Variants in ADAM23 observed in about 807,000 individuals in gnomAD.
ADAM23 encodes the protein ADAM metallopeptidase domain 23, also known as disintegrin and metalloproteinase domain-containing protein 23.
A neutral mutation model predicts 120.1 loss-of-function variants in ADAM23; 33 were observed. The observed-to-expected ratio is 0.27, with a 90% CI of 0.21 to 0.37. The LOEUF (loss-of-function observed/expected upper bound fraction) is 0.37. Among genes scored for constraint, ADAM23 ranks in the 10% least tolerant of loss-of-function variants. The pLI is 1.00. For synonymous variants in ADAM23, 367 were observed against 375.2 expected, an observed-to-expected ratio of 0.98 and a Z score of 0.25; for missense variants, 862 against 1,058.2, an observed-to-expected ratio of 0.81 and a Z score of 2.57.
intron 25 of ADAM23, among the ~76,000 whole-genome samples, chr2:206,616,803 G>C (rs992479464): frequency 2.0e-5 from 3 of 152,044 alleles, no homozygotes; most frequent in Admixed American, 6.6e-5. Context: ...CCAGACCATG[G>C]GGAGGTTGCA....
At chr2:206,571,120 A>G (rs1055815030) in intron 16 of ADAM23, among the ~76,000 whole-genome samples, 2 of 152,170 alleles carry the variant, frequency 1.3e-5, no homozygotes, top group East Asian at 3.9e-4. Flanking sequence ...TTTTATCTTT[A>G]TAAAATAGAT....
At chr2:206,444,129 C>T (rs1335765938) in intron 1 of ADAM23, 49 bp downstream of exon 1, 2 of 1,232,582 alleles carry the variant, frequency 1.6e-6, no homozygotes, top group African/African-American at 3.1e-5. Context: ...CGGGGCCCTG[C>T]AGAGGAAAGC....
chr2:206,528,172 G>A (rs2105795787), intron 3 of ADAM23, among the ~76,000 whole-genome samples: 1 of 152,300 alleles, frequency 6.6e-6, no homozygotes. Context: ...CAGTTGGAAT[G>A]TAGTTAGGGA....
intron 3 of ADAM23, among the ~76,000 whole-genome samples, chr2:206,523,221 C>T (rs1696879476): frequency 6.6e-6 from 1 of 152,140 alleles, no homozygotes; most frequent in Non-Finnish European, 1.5e-5. Context: ...GGGACCATTA[C>T]CTGAGATGCA....
intron 4 of ADAM23, 118 bp from the exon 5 acceptor site, chr2:206,541,934 G>T (rs1697297426): frequency 2.0e-6 from 2 of 1,014,006 alleles, no homozygotes; most frequent in Non-Finnish European, 3.0e-6. Flanking sequence ...AGTTTCTAGG[G>T]TTATTAATAC....
At position 206,596,033 on chromosome 2, in the gene ADAM23, G is replaced by A; in HGVS notation, c.2248-18G>A. On this transcript the variant is annotated intron_variant, in intron 23 of 25. Transcript: ENST00000264377. ...AAAATACAGTGAAAATGCCATATCT[G>A]TTCCTTTTTCTTCACAGGTGTGTAG... 1.3e-6 allele frequency: 2 copies of A among 1,587,694 alleles called. No homozygotes were observed. The highest frequency in any genetic ancestry group is 1.7e-4 in the Middle Eastern group (1 of 6,018).
chr2:206,530,996 A>T, intron 4 of ADAM23, 48 bp downstream of exon 4: 1 of 1,528,388 alleles, frequency 6.5e-7, no homozygotes, highest in Non-Finnish European at 9.0e-7. Context: ...TGTGCTTATC[A>T]TAGAGTTGAT....
chr2:206,459,298 T>C (rs1695364536), intron 2 of ADAM23, among the ~76,000 whole-genome samples: 1 of 152,244 alleles, frequency 6.6e-6, no homozygotes, highest in Non-Finnish European at 1.5e-5. Context: ...TAAACAGTTT[T>C]TGGAAATGGT....
chr2:206,542,333 A>G (rs1345110253), intron 5 of ADAM23, among the ~76,000 whole-genome samples, 199 bp downstream of exon 5: 1 of 152,216 alleles, frequency 6.6e-6, no homozygotes, highest in Non-Finnish European at 1.5e-5. Flanking sequence ...AAATGATTAC[A>G]TAGATGAATG....
intron 10 of ADAM23, among the ~76,000 whole-genome samples, chr2:206,558,618 T>A (rs1021073033): frequency 6.6e-6 from 1 of 152,222 alleles, no homozygotes; most frequent in Non-Finnish European, 1.5e-5. Flanking sequence ...GTTTATCTTC[T>A]CAGAGGAAAA....
At chr2:206,466,162 C>G (rs538058945) in intron 2 of ADAM23, among the ~76,000 whole-genome samples, 1 of 152,034 alleles carries the variant, frequency 6.6e-6, no homozygotes. Context: ...AGTGAACTTT[C>G]GGAAAATCAA....
intron 18 of ADAM23, 24 bp from the exon 19 acceptor site, chr2:206,587,301 A>C: frequency 6.3e-7 from 1 of 1,576,970 alleles, no homozygotes; most frequent in Non-Finnish European, 8.7e-7. Flanking sequence ...GCTGAATATT[A>C]ACTAAAAAGA....
intron 25 of ADAM23, among the ~76,000 whole-genome samples, chr2:206,610,341 G>A (rs942899802): frequency 2.6e-5 from 4 of 152,168 alleles, no homozygotes; most frequent in African/African-American, 9.7e-5. Context: ...GGAAATAAGT[G>A]GATGTAAATT....
intron 3 of ADAM23, among the ~76,000 whole-genome samples, chr2:206,498,660 T>G (rs1022092324): frequency 6.6e-6 from 1 of 152,076 alleles, no homozygotes; most frequent in Non-Finnish European, 1.5e-5. Flanking sequence ...TGGGATCTAA[T>G]TAAACTAAAG....
chr2:206,511,605 T>G (rs780621038), intron 3 of ADAM23, among the ~76,000 whole-genome samples: 5 of 152,292 alleles, frequency 3.3e-5, no homozygotes, highest in Non-Finnish European at 5.9e-5. Context: ...AGAACCTCCT[T>G]GGAGCTCTGT....
Position 206,588,321 on chromosome 2 carries a change from GA to G in ADAM23, c.1852+171del, listed in dbSNP as rs200692048. 7.3e-3 allele frequency among the ~76,000 whole-genome samples: 1,105 copies of G among 152,286 alleles called. 5 individuals carry two copies. Among genetic ancestry groups the G allele is most frequent in the South Asian group, 0.025 (121 of 4,822 alleles). ...GTGAATCTTAGTCACAAAAACTATA[GA>G]AAACAACTGCTTAAGTTGGGTACTT... On this transcript the variant is annotated intron_variant, in intron 20 of 25. Coordinates refer to ENST00000264377, the MANE Select transcript of ADAM23 (RefSeq NM_003812.4).
chr2:206,471,097 A>G (rs537820727), intron 2 of ADAM23, among the ~76,000 whole-genome samples: 15 of 152,298 alleles, frequency 9.8e-5, no homozygotes, highest in African/African-American at 3.6e-4. Flanking sequence ...GAATCGAGGT[A>G]TTTCAGGAGA....
chr2:206,499,524 G>A (rs978959663), intron 3 of ADAM23, among the ~76,000 whole-genome samples: 1 of 150,872 alleles, frequency 6.6e-6, no homozygotes, highest in Non-Finnish European at 1.5e-5. Context: ...AGCATTAGGA[G>A]ATATACCTAA....
In ADAM23 at chr2:206,454,308, T is replaced by C. The variant is rs138293966; in HGVS notation, c.432+8784T>C. Reference sequence around the variant, plus strand: ...GAAAGAGAGAGAGAGAGAAGTGCCATACACTTTTAAACCATCAGCCCTCGT... The same window carrying C: ...GAAAGAGAGAGAGAGAGAAGTGCCACACACTTTTAAACCATCAGCCCTCGT... On this transcript the variant is annotated intron_variant, in intron 2 of 25. Coordinates refer to ENST00000264377, the MANE Select transcript of ADAM23 (RefSeq NM_003812.4). Among the ~76,000 whole-genome samples, 232 of 152,190 alleles carry C rather than the reference T, an allele frequency of 1.5e-3. 1 individual carries two copies. Among genetic ancestry groups the C allele is most frequent in the Non-Finnish European group, 2.7e-3 (187 of 68,004 alleles).
Sources: gnomAD v4.1 joint callset for allele counts (sites outside exome capture counted in the v4.1 genomes callset) on GRCh38, gnomAD v4.1.1 for gene constraint, MANE v1.5 for transcripts, NCBI Gene and HGNC (gene_info 2026-07-23, HGNC 2026-07-21) for gene names.